The following STK32C variants were observed in gnomAD, a reference collection of about 807,000 sequenced individuals.
The protein encoded by STK32C is serine/threonine kinase 32C, also known as serine/threonine-protein kinase 32C.
A neutral mutation model predicts 56.5 loss-of-function variants in STK32C; 31 were observed. The observed-to-expected ratio is 0.55, with a 90% confidence interval of 0.41 to 0.74. STK32C has a LOEUF of 0.74. Ranked by LOEUF, STK32C falls within the 30% of genes least tolerant of loss-of-function variation. The probability of loss-of-function intolerance (pLI) is 0.00; values close to 1 mark genes in which losing one functional copy is unlikely to be tolerated. For missense variants in STK32C, 544 were observed against 676.9 expected, an observed-to-expected ratio of 0.80 and a Z score of 2.18; for synonymous variants, 309 against 289.4, an observed-to-expected ratio of 1.07 and a Z score of -0.69.
intron 1 of STK32C, among the ~76,000 whole-genome samples, chr10:132,303,474 G>A (rs2065970708): frequency 6.6e-6 from 1 of 152,108 alleles, no homozygotes; most frequent in Non-Finnish European, 1.5e-5. Context: ...AGAGAAAAAA[G>A]CTAAGTAGCA....
chr10:132,325,783 G>A (rs1399669898), intron 1 of STK32C, among the ~76,000 whole-genome samples: 10 of 148,760 alleles, frequency 6.7e-5, no homozygotes, highest in African/African-American at 2.0e-4. Flanking sequence ...GTGCAGTGGC[G>A]CGATCTCGGC....
chr10:132,231,416 G>A (rs1401878886), intron 2 of STK32C, among the ~76,000 whole-genome samples: 2 of 152,242 alleles, frequency 1.3e-5, no homozygotes, highest in Admixed American at 6.5e-5. Flanking sequence ...TGGGCTCTGT[G>A]TCCTGGAACA....
At chr10:132,318,315 G>A (rs957136311) in intron 1 of STK32C, among the ~76,000 whole-genome samples, 6 of 150,210 alleles carry the variant, frequency 4.0e-5, no homozygotes, top group African/African-American at 7.3e-5. Flanking sequence ...TAATAAAAAC[G>A]TAGGTAAAAG....
At chr10:132,216,400 G>A (rs948998178) in intron 10 of STK32C, among the ~76,000 whole-genome samples, 2 of 149,946 alleles carry the variant, frequency 1.3e-5, no homozygotes, top group African/African-American at 2.4e-5. Context: ...GGAAGCGGAG[G>A]TTGCAGTGGC....
chr10:132,252,660 C>A (rs1020767034), intron 1 of STK32C, among the ~76,000 whole-genome samples: 1 of 151,954 alleles, frequency 6.6e-6, no homozygotes, highest in Non-Finnish European at 1.5e-5. Context: ...CGGAGCGGCT[C>A]GGAGCTCCGG....
intron 10 of STK32C, among the ~76,000 whole-genome samples, chr10:132,220,727 C>T (rs914033062): frequency 1.3e-5 from 2 of 152,180 alleles, no homozygotes; most frequent in African/African-American, 4.8e-5. Flanking sequence ...GATGAGACCA[C>T]GACCTCAGAC....
intron 1 of STK32C, among the ~76,000 whole-genome samples, chr10:132,293,628 A>C (rs989386456): frequency 3.3e-5 from 5 of 152,206 alleles, no homozygotes; most frequent in Admixed American, 1.3e-4. Flanking sequence ...CTCTTTTAAG[A>C]AGCAGCAGTC....
At chr10:132,224,116 C>G (rs540192355) in intron 8 of STK32C, among the ~76,000 whole-genome samples, 14 of 151,878 alleles carry the variant, frequency 9.2e-5, no homozygotes, top group Non-Finnish European at 2.1e-4. Context: ...ACCGGCAGGG[C>G]GGGCGCACAA....
intron 1 of STK32C, among the ~76,000 whole-genome samples, chr10:132,316,341 G>A (rs372281624): frequency 1.3e-5 from 2 of 152,158 alleles, no homozygotes; most frequent in African/African-American, 4.8e-5. Flanking sequence ...GGCCAGGCAC[G>A]GTGACTCATA....
At chr10:132,277,672 A>C (rs922090870) in intron 1 of STK32C, among the ~76,000 whole-genome samples, 35 of 152,220 alleles carry the variant, frequency 2.3e-4, no homozygotes, top group Non-Finnish European at 4.6e-4. Context: ...CCAGGCCTGC[A>C]GGGGACTTTA....
chr10:132,295,057 C>T (rs2065696792), intron 1 of STK32C, among the ~76,000 whole-genome samples: 1 of 152,182 alleles, frequency 6.6e-6, no homozygotes, highest in Non-Finnish European at 1.5e-5. Flanking sequence ...AAACAGCCTC[C>T]AAAGGAGGCC....
At chr10:132,323,567 C>A (rs2066447872), downstream of STK32C, among the ~76,000 whole-genome samples, 1 of 152,180 alleles carries the variant, frequency 6.6e-6, no homozygotes, top group South Asian at 2.1e-4. The surrounding 1 kb of genome is among the most constrained non-coding windows in gnomAD (Gnocchi z 4.8). Context: ...TCTGAATCCC[C>A]AAAACCTGTG....
At chr10:132,213,523 T>G (rs938522712) in intron 10 of STK32C, among the ~76,000 whole-genome samples, 17 of 152,238 alleles carry the variant, frequency 1.1e-4, no homozygotes, top group African/African-American at 3.9e-4. Flanking sequence ...GCCCCAAACC[T>G]GGCCAGATTA....
At chr10:132,263,157 G>A (rs1404701789) in intron 1 of STK32C, among the ~76,000 whole-genome samples, 2 of 152,208 alleles carry the variant, frequency 1.3e-5, no homozygotes, top group Non-Finnish European at 2.9e-5. Flanking sequence ...TCATTGTGGT[G>A]CTAATCACAA....
At chr10:132,269,334 C>T (rs908445743) in intron 1 of STK32C, among the ~76,000 whole-genome samples, 1 of 152,170 alleles carries the variant, frequency 6.6e-6, no homozygotes, top group African/African-American at 2.4e-5. Flanking sequence ...CTCATCTGAC[C>T]GACACATGGT....
intron 1 of STK32C, among the ~76,000 whole-genome samples, chr10:132,278,641 C>G (rs7078213): frequency 0.43 from 65,194 of 151,296 alleles, 15,078 homozygotes; most frequent in African/African-American, 0.59. Flanking sequence ...GGCGCCTGTA[C>G]TCCCAGCTGC....
At chr10:132,273,623 T>TGAAGGAGTTACTGAATGAGTGAA (rs200813414) in intron 1 of STK32C, among the ~76,000 whole-genome samples, 1 of 139,292 alleles carries the variant, frequency 7.2e-6, no homozygotes, top group African/African-American at 2.7e-5. Context: ...ACTGAATGAG[T>TGAAGGAGTTACTGAATGAGTGAA]GGAGTTACTG....
exon 1 of STK32C, chr10:132,331,530 T>C (rs1168123206): frequency 1.2e-6 from 2 of 1,612,818 alleles, no homozygotes; most frequent in East Asian, 2.2e-5. Flanking sequence ...CAGCAAGTCC[T>C]GAGGCAAGAT....
chr10:132,307,505 G>C lies in STK32C; in HGVS notation c.262+67C>G. On this transcript the variant is annotated intron_variant, in intron 1 of 11. Transcript: ENST00000298630. This position sits in a 1 kb window ranked among gnomAD's most constrained non-coding sequence, Gnocchi z 4.4. ...ACCGGGGGAACCCCTGCGGGAAAAA[G>C]CCGCCCAGCCGCGCCCGCCCCTGCA... 1 of 1,466,996 alleles carries C rather than the reference G, an allele frequency of 6.8e-7. No homozygotes were observed. Among genetic ancestry groups the C allele is most frequent in the Non-Finnish European group, 9.0e-7 (1 of 1,105,552 alleles). 90.9% of individuals were successfully genotyped at this position (1,466,996 alleles called of 1,614,324 possible). A position where few individuals can be genotyped will look rare whatever the true frequency, so the allele number is the denominator to read the frequency against.
Sources: allele counts gnomAD v4.1 joint callset (sites outside exome capture counted in the v4.1 genomes callset), GRCh38; gene constraint gnomAD v4.1.1; non-coding constraint Gnocchi (gnomAD v3.1); transcripts MANE v1.5; gene names NCBI Gene and HGNC (gene_info 2026-07-23, HGNC 2026-07-21).